R3HDM1: variants seen among roughly 807,000 people sequenced by gnomAD.
R3HDM1 encodes the protein R3H domain-containing protein 1.
In R3HDM1, 46 loss-of-function variants were observed where a neutral mutation model predicts 141.1. That is an observed-to-expected ratio of 0.33 (90% CI 0.26 to 0.42). The LOEUF is 0.42. Ranked by LOEUF, R3HDM1 falls within the 10% of genes least tolerant of loss-of-function variation. The pLI is 1.00. For synonymous variants in R3HDM1, 435 were observed against 472.9 expected, an observed-to-expected ratio of 0.92 and a Z score of 1.04; for missense variants, 1,184 against 1,368.3, an observed-to-expected ratio of 0.87 and a Z score of 2.12.
At chr2:135,670,130 C>T (rs1396884932) in intron 19 of R3HDM1, 7 of 193,572 alleles carry the variant, frequency 3.6e-5, no homozygotes, top group East Asian at 2.2e-4. Context: ...CAGAGCAAGA[C>T]TCAGTCTCAA....
chr2:135,672,996 A>G (rs770808737), intron 19 of R3HDM1, among the ~76,000 whole-genome samples: 3 of 152,194 alleles, frequency 2.0e-5, no homozygotes, highest in Non-Finnish European at 4.4e-5. Context: ...AGCCCCAGCT[A>G]CTGGGGAGGC....
intron 7 of R3HDM1, among the ~76,000 whole-genome samples, chr2:135,625,888 T>C (rs1476898155): frequency 1.3e-5 from 2 of 152,232 alleles, no homozygotes; most frequent in Non-Finnish European, 2.9e-5. Flanking sequence ...CTTCGTTGTA[T>C]GCATCTCTTC....
chr2:135,608,939 C>T (rs1367719574), intron 3 of R3HDM1, among the ~76,000 whole-genome samples: 1 of 152,072 alleles, frequency 6.6e-6, no homozygotes, highest in Non-Finnish European at 1.5e-5. Context: ...GTTTACCTTC[C>T]AAAAGATGCA....
chr2:135,628,451 TA>T (rs1271650837), intron 7 of R3HDM1, among the ~76,000 whole-genome samples: 13 of 152,226 alleles, frequency 8.5e-5, no homozygotes, highest in African/African-American at 2.4e-4. Context: ...CAATTGCTAG[TA>T]AAATTGTTAG....
chr2:135,644,718 A>G (rs2064192513), intron 15 of R3HDM1, among the ~76,000 whole-genome samples: 1 of 152,158 alleles, frequency 6.6e-6, no homozygotes, highest in Non-Finnish European at 1.5e-5. Flanking sequence ...TTTCTCTTTG[A>G]ACTGAAATAT....
intron 19 of R3HDM1, among the ~76,000 whole-genome samples, chr2:135,666,189 T>C (rs1281730057): frequency 2.0e-5 from 3 of 152,104 alleles, no homozygotes; most frequent in Non-Finnish European, 4.4e-5. Context: ...TTGACAGAAT[T>C]TGAAGGCACA....
chr2:135,532,087 A>ACTG (rs1249042015), intron 1 of R3HDM1, among the ~76,000 whole-genome samples: 1 of 152,170 alleles, frequency 6.6e-6, no homozygotes, highest in Non-Finnish European at 1.5e-5. Context: ...AGAGCGTGGT[A>ACTG]CTGCTCTCTC....
intron 1 of R3HDM1, chr2:135,576,959 AAAGCCACTGAAC>A (rs1705584881): frequency 2.8e-6 from 1 of 362,736 alleles, no homozygotes; most frequent in African/African-American, 2.2e-5. Flanking sequence ...GAATATACTA[AAAGCCACTGAAC>A]AAGACACTGA....
Position 135,531,598 on chromosome 2 carries a change from C to CGCGCT in R3HDM1, c.-284_-280dup. 7.1e-6 allele frequency: 7 copies of CGCGCT among 987,028 alleles called. No individual in the cohort carries two copies. The highest frequency in any genetic ancestry group is 8.4e-6 in the Non-Finnish European group (7 of 830,852). The allele number at this position is 987,028 out of a possible 1,614,324, so 61.1% of individuals were successfully genotyped here. On this transcript the variant is annotated 5_prime_UTR_variant, in exon 1 of 27. The change abolishes the stop of an existing upstream ORF in the 5' untranslated region. Coordinates refer to ENST00000683871, the MANE Select transcript of R3HDM1 (RefSeq NM_001378107.1). Reference sequence around the variant, plus strand: ...CAGCCCCGCCGTCGCCCCGCCGCGCCGCGCTCCAACCGCCTCCTCCTCCTC... The same window carrying CGCGCT: ...CAGCCCCGCCGTCGCCCCGCCGCGCCGCGCTGCGCTCCAACCGCCTCCTCCTCCTC...
At chr2:135,587,118 C>A in intron 1 of R3HDM1, 1 of 486,694 alleles carries the variant, frequency 2.1e-6, no homozygotes, top group Non-Finnish European at 2.7e-6. Flanking sequence ...AGAGCAAATG[C>A]TAATCAAACT....
Position 135,631,992 on chromosome 2 carries a change from A to G in R3HDM1, c.689A>G (p.Asn230Ser), listed in dbSNP as rs2062756935. The G allele has an allele frequency of 6.2e-7, 1 of 1,604,390 alleles. No homozygotes were observed. The highest frequency in any genetic ancestry group is 1.3e-5 in the African/African-American group (1 of 74,626). ...TCTGTCATAGTAAACAAAACTAGCAATACAAGAATGTAAGTGTCAAGAGAT... is the reference window on the plus strand; with the variant it reads ...TCTGTCATAGTAAACAAAACTAGCAGTACAAGAATGTAAGTGTCAAGAGAT... ...GKSVIVNKTS[N>S]TRIPDQKFNE... Residue 230 changes from asparagine (N) to serine (S), a missense_variant, in exon 9 of 27, where the codon AAT (asparagine) becomes AGT (serine). Asn to Ser is a conservative substitution (Grantham distance 46, BLOSUM62 1). Coordinates refer to ENST00000683871, the MANE Select transcript of R3HDM1 (RefSeq NM_001378107.1).
At chr2:135,560,732 A>G (rs1169500659) in intron 1 of R3HDM1, among the ~76,000 whole-genome samples, 1 of 152,214 alleles carries the variant, frequency 6.6e-6, no homozygotes, top group Non-Finnish European at 1.5e-5. Context: ...GTACTCAGTT[A>G]TGCTTTCTGG....
At chr2:135,612,759 G>A (rs1365940863) in intron 3 of R3HDM1, among the ~76,000 whole-genome samples, 2 of 152,128 alleles carry the variant, frequency 1.3e-5, no homozygotes, top group African/African-American at 4.8e-5. Context: ...TCTGCTAAGG[G>A]TGAAAAGTGT....
intron 6 of R3HDM1, chr2:135,622,031 T>C (rs957212915): frequency 1.0e-6 from 1 of 984,402 alleles, no homozygotes; most frequent in Admixed American, 6.2e-5. Flanking sequence ...GTCTTCACTA[T>C]TACCTAGCAT....
At chr2:135,687,148 T>C (rs140030285) in intron 21 of R3HDM1, among the ~76,000 whole-genome samples, 12 of 152,320 alleles carry the variant, frequency 7.9e-5, no homozygotes, top group African/African-American at 2.6e-4. Context: ...TGAGCCGAGA[T>C]AGTGCCACTG....
intron 19 of R3HDM1, among the ~76,000 whole-genome samples, chr2:135,666,228 C>T (rs555406811): frequency 5.9e-5 from 9 of 152,196 alleles, no homozygotes; most frequent in African/African-American, 1.7e-4. Flanking sequence ...GTGTAAAAGG[C>T]GAGCAAAGAA....
intron 17 of R3HDM1, 116 bp downstream of exon 17, chr2:135,650,119 A>C (rs974215372): frequency 2.2e-5 from 22 of 1,006,638 alleles, no homozygotes; most frequent in Non-Finnish European, 2.5e-5. Flanking sequence ...TCAGGTTTAC[A>C]TATGTATCTA....
intron 1 of R3HDM1, chr2:135,583,867 C>G: frequency 1.0e-6 from 1 of 985,388 alleles, no homozygotes; most frequent in Non-Finnish European, 1.2e-6. Flanking sequence ...TGATGTTAGT[C>G]CCATAGTTGC....
intron 1 of R3HDM1, among the ~76,000 whole-genome samples, chr2:135,564,184 A>G (rs1702303641): frequency 6.6e-6 from 1 of 152,184 alleles, no homozygotes; most frequent in African/African-American, 2.4e-5. Context: ...ATTACTGTAT[A>G]TTTTGTACCT....
Sources: allele counts gnomAD v4.1 joint callset (sites outside exome capture counted in the v4.1 genomes callset), GRCh38; gene constraint gnomAD v4.1.1; transcripts MANE v1.5; gene names NCBI Gene and HGNC (gene_info 2026-07-23, HGNC 2026-07-21).